ZNF274: variants seen among roughly 807,000 people sequenced by gnomAD.
The protein encoded by ZNF274 is neurotrophin receptor-interacting factor homolog.
A neutral mutation model predicts 42.5 loss-of-function variants in ZNF274; 23 were observed. The observed-to-expected ratio is 0.54, with a 90% confidence interval of 0.39 to 0.77. ZNF274 has a LOEUF of 0.77. Among genes scored for constraint, ZNF274 ranks in the 30% least tolerant of loss-of-function variants. The pLI is 0.00. For missense variants in ZNF274, 679 were observed against 806.5 expected (o/e 0.84, Z 1.91); for synonymous variants, 292 against 305.4 (o/e 0.96, Z 0.46).
chr19:58,184,116 G>C (rs922469625), intron 2 of ZNF274, 118 bp downstream of exon 2: 1 of 1,178,782 alleles, frequency 8.5e-7, no homozygotes, highest in Non-Finnish European at 1.2e-6. Flanking sequence ...TCGGGGAGGG[G>C]GTAGAGATTG....
chr19:58,212,452 A>G lies in ZNF274; in HGVS notation c.1271A>G (p.Asn424Ser), dbSNP rs190213013. ...TNQVSLQKID[N>S]PESQANSGAL... ...CAAGTTTCGCTCCAGAAAATTGACA[A>G]CCCTGAGTCCCAGGCAAACAGTGGC... The change falls in exon 8 of 8, where the codon AAC becomes AGC. Residue 424 changes from asparagine (N) to serine (S), a missense_variant. Asn to Ser is a conservative substitution (Grantham distance 46, BLOSUM62 1). This residue lies in a region of ZNF274 where 456 missense variants were observed against 590.1 expected (regional missense o/e 0.77). Coordinates refer to ENST00000617501, the MANE Select transcript of ZNF274 (RefSeq NM_133502.3). The surrounding 1 kb of genome is among the most constrained non-coding windows in gnomAD (Gnocchi z 4.6). The G allele has an allele frequency of 1.3e-3, 2,155 of 1,612,846 alleles. 6 individuals carry two copies. Among genetic ancestry groups the G allele is most frequent in the Middle Eastern group, 6.5e-3 (39 of 6,036 alleles).
intron 4 of ZNF274, among the ~76,000 whole-genome samples, chr19:58,194,737 G>A (rs1385136066): frequency 7.2e-6 from 1 of 139,824 alleles, no homozygotes; most frequent in East Asian, 2.5e-4. Flanking sequence ...GCCGGGCGCG[G>A]TGGCTGATGT....
chr19:58,187,493 C>G (rs2075713818), intron 4 of ZNF274, among the ~76,000 whole-genome samples: 1 of 152,212 alleles, frequency 6.6e-6, no homozygotes. Flanking sequence ...ATGATCTCAG[C>G]TCACTGCACC....
chr19:58,202,747 A>T (rs1356039674), intron 4 of ZNF274, among the ~76,000 whole-genome samples: 1 of 152,190 alleles, frequency 6.6e-6, no homozygotes, highest in Non-Finnish European at 1.5e-5. Flanking sequence ...AGACAGTGGT[A>T]AGGATTGCCC....
chr19:58,193,976 A>C (rs558919979), intron 4 of ZNF274, among the ~76,000 whole-genome samples: 3 of 152,112 alleles, frequency 2.0e-5, no homozygotes, highest in Admixed American at 2.0e-4. Flanking sequence ...CATATGAGAT[A>C]AAAGGGTCAG....
At chr19:58,184,290 GTTTGTTT>G (rs2075669321) in intron 2 of ZNF274, 3 of 321,330 alleles carry the variant, frequency 9.3e-6, no homozygotes, top group Non-Finnish European at 1.8e-5. Flanking sequence ...TCTTTTGTTT[GTTTGTTT>G]TTTGTTTTTT....
intron 6 of ZNF274, 28 bp downstream of exon 6, chr19:58,210,101 G>A: frequency 1.3e-6 from 2 of 1,599,246 alleles, no homozygotes; most frequent in Non-Finnish European, 1.7e-6. Flanking sequence ...CCCTGTTTTG[G>A]TCACAGCATC....
chr19:58,198,133 T>G (rs755645177), intron 4 of ZNF274, among the ~76,000 whole-genome samples: 6 of 152,044 alleles, frequency 3.9e-5, no homozygotes, highest in Admixed American at 1.3e-4. Context: ...AAAAGAAGAA[T>G]AAATGAGTCA....
intron 4 of ZNF274, among the ~76,000 whole-genome samples, chr19:58,204,350 G>A (rs113537581): frequency 5.3e-5 from 8 of 152,152 alleles, no homozygotes; most frequent in Non-Finnish European, 8.8e-5. Context: ...GGGTCCAGGG[G>A]GGGCAGGGTT....
chr19:58,198,204 T>C (rs926389928), intron 4 of ZNF274, among the ~76,000 whole-genome samples: 3 of 152,174 alleles, frequency 2.0e-5, no homozygotes, highest in Non-Finnish European at 4.4e-5. Context: ...AATGCCAAAA[T>C]GACTTTGAGT....
chr19:58,188,640 T>G (rs2075733453), intron 4 of ZNF274, among the ~76,000 whole-genome samples: 1 of 121,928 alleles, frequency 8.2e-6, no homozygotes, highest in African/African-American at 3.1e-5. Flanking sequence ...TATATATATA[T>G]ATATATGTAA....
intron 4 of ZNF274, among the ~76,000 whole-genome samples, chr19:58,200,770 C>T (rs911604284): frequency 2.6e-5 from 4 of 152,120 alleles, no homozygotes. Context: ...TTGTTGCCCA[C>T]TATGTTAGGC....
In ZNF274 at chr19:58,193,185, T is replaced by C. The variant is rs183616124; in HGVS notation, c.256+6143T>C. On this transcript the variant is annotated intron_variant, in intron 4 of 7. Transcript: ENST00000617501. ...TTTTTGAGACACAGTCTCGCTCTGT[T>C]GCCCAGGTTGGAGTGCAGTGGCACA... 5.0e-3 allele frequency among the ~76,000 whole-genome samples: 759 copies of C among 151,808 alleles called. 8 individuals carry two copies. Among genetic ancestry groups the C allele is most frequent in the African/African-American group, 0.017 (718 of 41,398 alleles).
Position 58,212,343 on chromosome 19 carries a change from T to C in ZNF274, c.1162T>C (p.Ser388Pro). The change falls in exon 8 of 8, where the codon TCT becomes CCT. Residue 388 changes from serine to proline, a missense_variant. By Grantham distance (74) the Ser-to-Pro change is moderately conservative (BLOSUM62 -1). This residue lies in a region of ZNF274 where 456 missense variants were observed against 590.1 expected (regional missense o/e 0.77). Coordinates refer to ENST00000617501, the MANE Select transcript of ZNF274 (RefSeq NM_133502.3). This position sits in a 1 kb window ranked among gnomAD's most constrained non-coding sequence, Gnocchi z 4.6. ...VQDTVLKQME[S>P]AQEKDLPQKK... is the part of the protein sequence containing the mutation. ...AGACACAGTGTTGAAGCAGATGGAG[T>C]CTGCTCAGGAAAAAGACCTTCCTCA... 1 of 1,613,622 alleles carries C rather than the reference T, an allele frequency of 6.2e-7. No individual in the cohort carries two copies. The highest frequency in any genetic ancestry group is 8.5e-7 in the Non-Finnish European group (1 of 1,179,826).
chr19:58,206,468 GT>G (rs2075979557), intron 4 of ZNF274, among the ~76,000 whole-genome samples: 1 of 152,190 alleles, frequency 6.6e-6, no homozygotes, highest in South Asian at 2.1e-4. Context: ...ATAACTATGT[GT>G]TTAACTTCTG....
chr19:58,195,196 C>CA (rs11384650), intron 4 of ZNF274, among the ~76,000 whole-genome samples: 29,788 of 122,256 alleles, frequency 0.24, 3,108 homozygotes, highest in African/African-American at 0.28. Context: ...GACTCTGTCT[C>CA]AAAAAAAAAA....
chr19:58,196,138 T>G (rs2075839236), intron 4 of ZNF274, among the ~76,000 whole-genome samples: 1 of 152,236 alleles, frequency 6.6e-6, no homozygotes, highest in South Asian at 2.1e-4. Context: ...ATGTGGCTCT[T>G]GGGTGGAATA....
chr19:58,201,180 T>C (rs1175218192), intron 4 of ZNF274, among the ~76,000 whole-genome samples: 7 of 150,062 alleles, frequency 4.7e-5, no homozygotes, highest in Non-Finnish European at 1.0e-4. Flanking sequence ...AATTTTTTTT[T>C]TTTTTTTTTT....
At chr19:58,195,931 C>G (rs1175834267) in intron 4 of ZNF274, among the ~76,000 whole-genome samples, 1 of 152,158 alleles carries the variant, frequency 6.6e-6, no homozygotes, top group Non-Finnish European at 1.5e-5. Flanking sequence ...GCCGTGCAGC[C>G]TGGTACCAGT....
Sources: allele counts gnomAD v4.1 joint callset (sites outside exome capture counted in the v4.1 genomes callset), GRCh38; gene constraint gnomAD v4.1.1; regional missense constraint gnomAD v4.1.1; non-coding constraint Gnocchi (gnomAD v3.1); transcripts MANE v1.5; gene names NCBI Gene and HGNC (gene_info 2026-07-23, HGNC 2026-07-21).